Variants in BAZ1B observed in about 807,000 individuals in gnomAD.
BAZ1B encodes the protein bromodomain adjacent to zinc finger domain 1B, also known as tyrosine-protein kinase BAZ1B.
Under a neutral mutation model 153.8 loss-of-function variants are expected in BAZ1B, and 22 were observed. The observed-to-expected ratio is 0.14, with a 90% CI of 0.10 to 0.20. BAZ1B has a LOEUF of 0.20. BAZ1B is among the 10% of genes least tolerant of loss of function. The pLI is 1.00. For missense variants in BAZ1B, 1,325 were observed against 1,799.3 expected (o/e 0.74, Z 4.77); for synonymous variants, 676 against 633.4 (o/e 1.07, Z -1.01).
intron 4 of BAZ1B, among the ~76,000 whole-genome samples, chr7:73,494,362 AAC>A (rs1789787338): frequency 6.6e-6 from 1 of 152,118 alleles, no homozygotes; most frequent in Non-Finnish European, 1.5e-5. Context: ...CAGCCTGGGC[AAC>A]AGAGCGAGAC....
chr7:73,442,148 T>A, intron 19 of BAZ1B, 33 bp downstream of exon 19: 2 of 208,510 alleles, frequency 9.6e-6, no homozygotes, highest in Non-Finnish European at 1.9e-5. Flanking sequence ...CCTCCCACCC[T>A]CCCTAGCTGT....
chr7:73,442,136 T>A, intron 19 of BAZ1B, 45 bp downstream of exon 19: 1 of 573,492 alleles, frequency 1.7e-6, no homozygotes, highest in Middle Eastern at 5.5e-4. Context: ...CTCGCTCGCC[T>A]CCCTCCCACC....
At chr7:73,462,850 G>T in intron 12 of BAZ1B, 72 bp downstream of exon 12, 1 of 1,537,366 alleles carries the variant, frequency 6.5e-7, no homozygotes, top group Non-Finnish European at 9.0e-7. Flanking sequence ...GGGAAGTCAA[G>T]AACAGCACCA....
chr7:73,511,905 C>G (rs1333086907), intron 1 of BAZ1B, among the ~76,000 whole-genome samples: 4 of 151,014 alleles, frequency 2.6e-5, no homozygotes, highest in Admixed American at 6.6e-5. Flanking sequence ...GTGGCACATG[C>G]CTGTAATCCC....
chr7:73,454,585 G>A (rs966314009), intron 13 of BAZ1B, among the ~76,000 whole-genome samples: 2 of 152,128 alleles, frequency 1.3e-5, no homozygotes, highest in Admixed American at 6.5e-5. Flanking sequence ...ATGTAAATGG[G>A]GAGGACAAAC....
intron 3 of BAZ1B, among the ~76,000 whole-genome samples, chr7:73,506,411 A>G (rs1225800269): frequency 6.6e-6 from 1 of 151,656 alleles, no homozygotes; most frequent in Non-Finnish European, 1.5e-5. Flanking sequence ...AGGCAGGAGA[A>G]TGGCGTGAAC....
intron 13 of BAZ1B, among the ~76,000 whole-genome samples, chr7:73,454,298 A>G (rs1788119211): frequency 6.6e-6 from 1 of 152,150 alleles, no homozygotes; most frequent in South Asian, 2.1e-4. Flanking sequence ...CCCCATCCCA[A>G]AAAGTAAAGA....
Position 73,444,057 on chromosome 7 carries a change from C to T in BAZ1B, c.3917G>A (p.Gly1306Asp), listed in dbSNP as rs1554565730. The stretch of plus-strand genomic sequence containing the variant: ...CCTCCTGGTAGAGTGTGGCTTCTTA[C>T]CCGGGCGCCGGCCTGACCTTGCTGC... ...PPAARSGRRPGKKPHSTRRSQ... is the reference protein window; with the variant it reads ...PPAARSGRRPDKKPHSTRRSQ... Residue 1306 changes from glycine to aspartate, a missense_variant, in exon 17 of 20, where the codon GGT (glycine) becomes GAT (aspartate). Coordinates refer to ENST00000339594, the MANE Select transcript of BAZ1B (RefSeq NM_032408.4). 2.5e-6 allele frequency: 4 copies of T among 1,613,778 alleles called. No homozygotes were observed. Among genetic ancestry groups the T allele is most frequent in the Admixed American group, 1.7e-5 (1 of 59,980 alleles).
At chr7:73,465,913 C>A (rs1477628790) in intron 10 of BAZ1B, among the ~76,000 whole-genome samples, 1 of 152,032 alleles carries the variant, frequency 6.6e-6, no homozygotes, top group Non-Finnish European at 1.5e-5. Context: ...TAGCTCGCTG[C>A]CTAAAAGCAG....
intron 4 of BAZ1B, among the ~76,000 whole-genome samples, chr7:73,496,076 T>C (rs1789869808): frequency 6.6e-6 from 1 of 152,188 alleles, no homozygotes; most frequent in African/African-American, 2.4e-5. Context: ...ATCTCTGCTT[T>C]TGACAATTAA....
intron 12 of BAZ1B, among the ~76,000 whole-genome samples, chr7:73,461,350 C>T (rs1788390746): frequency 6.6e-6 from 1 of 152,218 alleles, no homozygotes; most frequent in Non-Finnish European, 1.5e-5. Flanking sequence ...TCCTTAAATA[C>T]TATCTTGTCA....
At chr7:73,449,454 G>T in intron 15 of BAZ1B, 88 bp downstream of exon 15, 1 of 1,435,504 alleles carries the variant, frequency 7.0e-7, no homozygotes, top group Non-Finnish European at 9.2e-7. Flanking sequence ...AAGCTCCTTA[G>T]ATTCATTCTG....
At chr7:73,505,544 A>G (rs1311037096) in intron 3 of BAZ1B, among the ~76,000 whole-genome samples, 1 of 152,122 alleles carries the variant, frequency 6.6e-6, no homozygotes, top group Non-Finnish European at 1.5e-5. Flanking sequence ...TGTTAGGTCT[A>G]TCCTAGACCT....
In BAZ1B at chr7:73,450,986, A is replaced by G. The variant is rs1324921363; in HGVS notation, c.3441T>C (p.Ser1147=). ...KKMVEEAKVA[S]ALEKWKTAIR... is the part of the protein sequence containing the mutation. ...TTGCTGTCTTCCATTTCTCCAGTGC[A>G]GATGCAACCTAAACAGAGACCAAAC... The change falls in exon 14 of 20, where the codon TCT becomes TCC. Residue 1147 remains serine, a synonymous_variant. Coordinates refer to ENST00000339594, the MANE Select transcript of BAZ1B (RefSeq NM_032408.4). The surrounding 1 kb of genome is among the most constrained non-coding windows in gnomAD (Gnocchi z 4.1). 6.2e-7 allele frequency: 1 copy of G among 1,614,076 alleles called. No homozygotes were observed. The highest frequency in any genetic ancestry group is 8.5e-7 in the Non-Finnish European group (1 of 1,180,036).
intron 4 of BAZ1B, among the ~76,000 whole-genome samples, chr7:73,496,053 A>AG (rs1431403536): frequency 6.6e-6 from 1 of 152,242 alleles, no homozygotes; most frequent in Non-Finnish European, 1.5e-5. Flanking sequence ...AGTCCAACAC[A>AG]GGCCAAGAAG....
intron 11 of BAZ1B, among the ~76,000 whole-genome samples, chr7:73,463,413 A>C (rs1554570687): frequency 6.6e-6 from 1 of 150,614 alleles, no homozygotes; most frequent in Non-Finnish European, 1.5e-5. Context: ...CTATATTTTT[A>C]ATTTTTTGTA....
chr7:73,486,771 G>C (rs1045039290), intron 6 of BAZ1B, among the ~76,000 whole-genome samples: 19 of 152,008 alleles, frequency 1.2e-4, no homozygotes, highest in African/African-American at 4.6e-4. Flanking sequence ...TGGATGGATG[G>C]GTCCTATGTG....
intron 12 of BAZ1B, chr7:73,462,702 G>T: frequency 1.8e-6 from 1 of 545,600 alleles, no homozygotes; most frequent in Non-Finnish European, 3.2e-6. Flanking sequence ...TCATACCAAG[G>T]TTGTAAGCCA....
intron 18 of BAZ1B, 49 bp from the exon 19 acceptor site, chr7:73,442,602 C>T (rs1355589484): frequency 5.1e-6 from 8 of 1,563,434 alleles, no homozygotes; most frequent in Non-Finnish European, 7.0e-6. Flanking sequence ...GACGGCAGTG[C>T]CCCTGCCACT....
Sources: gnomAD v4.1 joint callset for allele counts (sites outside exome capture counted in the v4.1 genomes callset) on GRCh38, gnomAD v4.1.1 for gene constraint, Gnocchi (gnomAD v3.1) non-coding constraint, MANE v1.5 for transcripts, NCBI Gene and HGNC (gene_info 2026-07-23, HGNC 2026-07-21) for gene names.